Variants in PACSIN1 observed in about 807,000 individuals in gnomAD.
The protein encoded by PACSIN1 is protein kinase C and casein kinase substrate in neurons protein 1.
Under a neutral mutation model 59.5 loss-of-function variants are expected in PACSIN1, and 15 were observed. The observed-to-expected ratio is 0.25, with a 90% CI of 0.17 to 0.39. The LOEUF is 0.39. Among genes scored for constraint, PACSIN1 ranks in the 10% least tolerant of loss-of-function variants. The probability of loss-of-function intolerance (pLI) is 1.00; values close to 1 mark genes in which losing one functional copy is unlikely to be tolerated. For synonymous variants in PACSIN1, 210 were observed against 220.6 expected (o/e 0.95, Z 0.42); for missense variants, 420 against 580.2 (o/e 0.72, Z 2.84).
intron 1 of PACSIN1, among the ~76,000 whole-genome samples, chr6:34,467,065 C>T (rs980487348): frequency 2.0e-5 from 3 of 152,166 alleles, no homozygotes; most frequent in Non-Finnish European, 2.9e-5. Context: ...CACATATGGC[C>T]GCTTATTTCT....
intron 1 of PACSIN1, among the ~76,000 whole-genome samples, chr6:34,499,723 G>A (rs1310443239): frequency 7.9e-5 from 12 of 152,006 alleles, no homozygotes; most frequent in Non-Finnish European, 1.6e-4. Flanking sequence ...TTGAACCCGG[G>A]AAGTGGAGGT....
At chr6:34,505,691 T>G (rs977670945) in intron 1 of PACSIN1, among the ~76,000 whole-genome samples, 1 of 146,916 alleles carries the variant, frequency 6.8e-6, no homozygotes, top group Admixed American at 7.1e-5. Context: ...TGGAGTACAG[T>G]GGCACAATCT....
At chr6:34,499,839 T>C (rs1581969596) in intron 1 of PACSIN1, among the ~76,000 whole-genome samples, 1 of 151,874 alleles carries the variant, frequency 6.6e-6, no homozygotes, top group Non-Finnish European at 1.5e-5. Context: ...AGAATCTTTA[T>C]GACACTGGAT....
chr6:34,469,719 G>A (rs1250438525), intron 1 of PACSIN1, among the ~76,000 whole-genome samples: 3 of 152,192 alleles, frequency 2.0e-5, no homozygotes, highest in African/African-American at 4.8e-5. Flanking sequence ...TGAAGCATCT[G>A]CCCACTGAGG....
rs1202948753 is a variant in PACSIN1 at position 34,514,478 on chromosome 6, G to C, written c.-63-11765G>C. Among the ~76,000 whole-genome samples, 1 of 152,144 alleles carries C rather than the reference G, an allele frequency of 6.6e-6. No individual in the cohort carries two copies. Among genetic ancestry groups the C allele is most frequent in the Non-Finnish European group, 1.5e-5 (1 of 68,018 alleles). On this transcript the variant is annotated intron_variant, in intron 1 of 9. Transcript: ENST00000244458. The surrounding 1 kb of genome is among the most constrained non-coding windows in gnomAD (Gnocchi z 4.4). Reference sequence around the variant, plus strand: ...GAGAGAATAAATGATTAAACAAATAGAAATGCTTCACCCAGCAGCAAGCGC... The same window carrying C: ...GAGAGAATAAATGATTAAACAAATACAAATGCTTCACCCAGCAGCAAGCGC...
At chr6:34,505,025 G>T (rs970230826) in intron 1 of PACSIN1, among the ~76,000 whole-genome samples, 1 of 151,582 alleles carries the variant, frequency 6.6e-6, no homozygotes, top group Non-Finnish European at 1.5e-5. Flanking sequence ...TAGGAATGAG[G>T]TCTCTGTTGG....
At chr6:34,487,728 T>A (rs1448833245) in intron 1 of PACSIN1, among the ~76,000 whole-genome samples, 1 of 152,106 alleles carries the variant, frequency 6.6e-6, no homozygotes, top group Admixed American at 6.6e-5. Flanking sequence ...ACGCAGGCTG[T>A]CTCTGGGGAG....
chr6:34,512,216 A>T (rs1767213959), intron 1 of PACSIN1, among the ~76,000 whole-genome samples: 1 of 151,062 alleles, frequency 6.6e-6, no homozygotes. Context: ...CTGAGGGTGG[A>T]TGCTCTCTGT....
chr6:34,481,531 G>A (rs558860332), intron 1 of PACSIN1, among the ~76,000 whole-genome samples: 9 of 152,148 alleles, frequency 5.9e-5, no homozygotes, highest in South Asian at 2.1e-4. Context: ...TTAGCCAGGC[G>A]TGGTGGCGAG....
chr6:34,480,227 CT>C (rs67633521), intron 1 of PACSIN1, among the ~76,000 whole-genome samples: 110 of 133,572 alleles, frequency 8.2e-4, no homozygotes, highest in Admixed American at 1.5e-3. Flanking sequence ...TTCTTTCTTT[CT>C]TTTTTTTTTT....
chr6:34,471,580 T>C lies in PACSIN1; in HGVS notation c.-64+5310T>C, dbSNP rs544240901. On this transcript the variant is annotated intron_variant, in intron 1 of 9. Transcript: ENST00000244458. ...GGTGATCAAGGGTGGAATCACTAAA[T>C]AGGGGTAATCCATTTGAGAAATAAA... Among the ~76,000 whole-genome samples the C allele has an allele frequency of 2.8e-3, 426 of 152,286 alleles. 4 individuals carry two copies. Among genetic ancestry groups the C allele is most frequent in the African/African-American group, 9.7e-3 (403 of 41,562 alleles).
intron 1 of PACSIN1, among the ~76,000 whole-genome samples, chr6:34,479,440 TTTTC>T (rs1463748412): frequency 2.0e-5 from 3 of 152,000 alleles, no homozygotes; most frequent in Non-Finnish European, 2.9e-5. Context: ...ATTTTCTGAT[TTTTC>T]TTTCTTTCTT....
In PACSIN1 at chr6:34,532,279, C is replaced by T. The variant is rs80177507; in HGVS notation, c.1226-142C>T. ...CGTGAATGTTGGCGTGGGACTGGGGCTGGTTTCCAGGGGCGGGGCCTAAGA... is the reference window on the plus strand; with the variant it reads ...CGTGAATGTTGGCGTGGGACTGGGGTTGGTTTCCAGGGGCGGGGCCTAAGA... On this transcript the variant is annotated intron_variant, in intron 9 of 9. Coordinates refer to ENST00000244458, the MANE Select transcript of PACSIN1 (RefSeq NM_020804.5). The surrounding 1 kb of genome is among the most constrained non-coding windows in gnomAD (Gnocchi z 5.2). The T allele has an allele frequency of 0.014, 8,599 of 623,926 alleles. 188 individuals are homozygous for T. Among genetic ancestry groups the T allele is most frequent in the African/African-American group, 0.068 (3,630 of 53,744 alleles). 38.6% of individuals were successfully genotyped at this position (623,926 alleles called of 1,614,324 possible).
chr6:34,507,629 A>G (rs1298640916), intron 1 of PACSIN1, among the ~76,000 whole-genome samples: 1 of 152,036 alleles, frequency 6.6e-6, no homozygotes, highest in East Asian at 1.9e-4. Context: ...TACAGGCCCA[A>G]TGTTGTGCAG....
intron 1 of PACSIN1, among the ~76,000 whole-genome samples, chr6:34,477,264 G>A (rs1392269716): frequency 6.6e-6 from 1 of 152,082 alleles, no homozygotes; most frequent in Non-Finnish European, 1.5e-5. Context: ...GCCAAAGCGG[G>A]AGGATTGCTT....
In PACSIN1 at chr6:34,480,355, GC is replaced by G. The variant is rs1254656064; in HGVS notation, c.-64+14086del. On this transcript the variant is annotated intron_variant, in intron 1 of 9. Transcript: ENST00000244458. ...TCCTCCCACCTCAGCCTCTCGAGTG[GC>G]TGGGACCACAGGTGTGCACCACCAC... is the stretch of plus-strand genomic sequence containing the variant. Among the ~76,000 whole-genome samples the G allele has an allele frequency of 9.0e-3, 1,360 of 151,608 alleles. 12 individuals carry two copies. Among genetic ancestry groups the G allele is most frequent in the African/African-American group, 0.024 (971 of 41,304 alleles).
At chr6:34,508,106 T>TTTG (rs1767142302) in intron 1 of PACSIN1, among the ~76,000 whole-genome samples, 1 of 128,966 alleles carries the variant, frequency 7.8e-6, no homozygotes, top group Non-Finnish European at 1.8e-5. Flanking sequence ...TCTTTTTTTG[T>TTTG]TTGTTTGTTT....
chr6:34,523,970 T>G (rs545306000), intron 1 of PACSIN1, among the ~76,000 whole-genome samples: 6 of 152,278 alleles, frequency 3.9e-5, no homozygotes, highest in African/African-American at 1.4e-4. Flanking sequence ...AAGTCAGTCA[T>G]TTCGTCCTCA....
chr6:34,498,695 C>G (rs4713799), intron 1 of PACSIN1, among the ~76,000 whole-genome samples: 1 of 150,140 alleles, frequency 6.7e-6, no homozygotes, highest in Non-Finnish European at 1.5e-5. Flanking sequence ...ACTCTGGAGG[C>G]TGAGGTGGGA....
Sources: gnomAD v4.1 joint callset for allele counts (sites outside exome capture counted in the v4.1 genomes callset) on GRCh38, gnomAD v4.1.1 for gene constraint, Gnocchi (gnomAD v3.1) non-coding constraint, MANE v1.5 for transcripts, NCBI Gene and HGNC (gene_info 2026-07-23, HGNC 2026-07-21) for gene names.